SEC63: variants seen among roughly 807,000 people sequenced by gnomAD.
SEC63 encodes the protein SEC63 protein translocation regulator.
A neutral mutation model predicts 116.2 loss-of-function variants in SEC63; 56 were observed. The ratio of observed to expected loss-of-function variants is 0.48; its 90% CI spans 0.39 to 0.60. SEC63 has a LOEUF of 0.60. Among genes scored for constraint, SEC63 ranks in the 20% least tolerant of loss-of-function variants. The probability of loss-of-function intolerance (pLI) is 0.00; values close to 1 mark genes in which losing one functional copy is unlikely to be tolerated. For missense variants in SEC63, 668 were observed against 900.0 expected, an observed-to-expected ratio of 0.74 and a Z score of 3.30; for synonymous variants, 273 against 294.6, an observed-to-expected ratio of 0.93 and a Z score of 0.75.
At chr6:107,931,376 C>T (rs1480081060) in intron 1 of SEC63, among the ~76,000 whole-genome samples, 3 of 151,604 alleles carry the variant, frequency 2.0e-5, no homozygotes, top group African/African-American at 7.3e-5. Context: ...TTTTAATCCT[C>T]ATGAAAAACT....
chr6:107,919,025 C>T (rs1386140539), intron 4 of SEC63, among the ~76,000 whole-genome samples: 4 of 150,866 alleles, frequency 2.7e-5, no homozygotes, highest in African/African-American at 9.7e-5. Context: ...AGTCTCCTGC[C>T]TCAGCCTCTC....
chr6:107,881,603 G>T (rs2114404329), intron 17 of SEC63, among the ~76,000 whole-genome samples: 1 of 152,082 alleles, frequency 6.6e-6, no homozygotes, highest in South Asian at 2.1e-4. Flanking sequence ...TTTGGACTTT[G>T]ATTTCTCCCT....
At chr6:107,900,239 A>T (rs1485791316) in intron 13 of SEC63, among the ~76,000 whole-genome samples, 2 of 151,768 alleles carry the variant, frequency 1.3e-5, no homozygotes, top group Non-Finnish European at 2.9e-5. Context: ...GGTTCAAGTG[A>T]TCCCCCTGCC....
Position 107,929,398 on chromosome 6 carries a change from T to G in SEC63, c.224+17A>C. 1 of 1,377,378 alleles carries G rather than the reference T, an allele frequency of 7.3e-7. No homozygotes were observed. The highest frequency in any genetic ancestry group is 1.0e-6 in the Non-Finnish European group (1 of 966,024). 85.3% of individuals were successfully genotyped at this position (1,377,378 alleles called of 1,614,324 possible). A position where few individuals can be genotyped will look rare whatever the true frequency, so the allele number is the denominator to read the frequency against. ...GTAAGCATTAAGTAGGTTTTTTTCT[T>G]GAAATCCATTACTTACTTTACTGTA... On this transcript the variant is annotated intron_variant, in intron 2 of 20. Coordinates refer to ENST00000369002, the MANE Select transcript of SEC63 (RefSeq NM_007214.5).
intron 1 of SEC63, among the ~76,000 whole-genome samples, chr6:107,932,793 C>T (rs1397913679): frequency 6.6e-6 from 1 of 152,118 alleles, no homozygotes; most frequent in Non-Finnish European, 1.5e-5. Context: ...ATGAGCACAT[C>T]TAGCATGCAG....
intron 17 of SEC63, 129 bp downstream of exon 17, chr6:107,882,858 TA>T (rs1282843448): frequency 3.8e-5 from 23 of 604,302 alleles, no homozygotes; most frequent in Middle Eastern, 4.4e-4. Context: ...AATAAAATTA[TA>T]AAATATACAG....
chr6:107,921,811 T>C lies in SEC63; in HGVS notation c.438A>G (p.Ala146=). ...GGDEVMFMRI[A]KAYAALTDEE... ...CTGATACTTACGCAGCATAAGCTTT[T>C]GCTATCCTCATGAACATAACCTCAT... Residue 146 remains alanine, a synonymous_variant, in exon 4 of 21, where the codon GCA becomes GCG. Transcript: ENST00000369002. The C allele has an allele frequency of 6.3e-7, 1 of 1,598,636 alleles. No homozygotes were observed. The highest frequency in any genetic ancestry group is 8.6e-7 in the Non-Finnish European group (1 of 1,165,966).
intron 16 of SEC63, 30 bp from the exon 17 acceptor site, chr6:107,883,176 T>C: frequency 6.2e-7 from 1 of 1,609,122 alleles, no homozygotes; most frequent in South Asian, 1.1e-5. Flanking sequence ...ACAAAGATTC[T>C]GCATATCTCA....
chr6:107,900,653 T>G (rs1470540873), intron 13 of SEC63, among the ~76,000 whole-genome samples: 2 of 152,028 alleles, frequency 1.3e-5, no homozygotes, highest in Non-Finnish European at 2.9e-5. Flanking sequence ...GTCTCAAAAA[T>G]TATTTATAAA....
Position 107,912,794 on chromosome 6 carries a change from A to C in SEC63, c.515-20T>G. The C allele has an allele frequency of 6.3e-7, 1 of 1,581,822 alleles. No individual in the cohort carries two copies. The highest frequency in any genetic ancestry group is 8.7e-7 in the Non-Finnish European group (1 of 1,152,008). ...TTGTGGCTGAAATAGAAAAAATATC[A>C]GTTTCTGAAGAATCTCTACTTTCAG... On this transcript the variant is annotated intron_variant, in intron 5 of 20. Transcript: ENST00000369002.
At position 107,869,458 on chromosome 6, in the gene SEC63, A is replaced by T. The variant is rs1326872968; in HGVS notation, c.*2246T>A. On this transcript the variant is annotated 3_prime_UTR_variant, in exon 21 of 21. Coordinates refer to ENST00000369002, the MANE Select transcript of SEC63 (RefSeq NM_007214.5). The stretch of plus-strand genomic sequence containing the variant: ...ACACTGTATGATCTATAGGCTCATC[A>T]ATTGTTGACAAAATGTCAGTTTCTT... 1 of 152,150 alleles carries T rather than the reference A, an allele frequency of 6.6e-6. No homozygotes were observed. Among genetic ancestry groups the T allele is most frequent in the Non-Finnish European group, 1.5e-5 (1 of 68,020 alleles). 9.4% of individuals were successfully genotyped at this position (152,150 alleles called of 1,614,324 possible).
At chr6:107,925,384 G>C (rs1562331917) in intron 2 of SEC63, among the ~76,000 whole-genome samples, 2 of 151,930 alleles carry the variant, frequency 1.3e-5, no homozygotes, top group Non-Finnish European at 2.9e-5. Flanking sequence ...GTAAAACTTT[G>C]GAAACAACCT....
At chr6:107,882,612 GAC>G (rs1253134560) in intron 17 of SEC63, among the ~76,000 whole-genome samples, 1 of 152,086 alleles carries the variant, frequency 6.6e-6, no homozygotes, top group Admixed American at 6.6e-5. Context: ...TGGAGCTTGT[GAC>G]ACAGCCTTCC....
chr6:107,936,640 C>T (rs886963562), intron 1 of SEC63, among the ~76,000 whole-genome samples: 1 of 152,188 alleles, frequency 6.6e-6, no homozygotes, highest in Non-Finnish European at 1.5e-5. Flanking sequence ...AGCAGCCGAA[C>T]TTTATATAGT....
intron 10 of SEC63, among the ~76,000 whole-genome samples, chr6:107,905,183 C>A (rs1376459502): frequency 6.6e-6 from 1 of 152,142 alleles, no homozygotes; most frequent in African/African-American, 2.4e-5. Context: ...ACCACATTAA[C>A]CTATGGATTT....
In SEC63 at chr6:107,902,869, A is replaced by T. The variant is rs1787039611; in HGVS notation, c.1184T>A (p.Leu395His). 1 of 1,613,922 alleles carries T rather than the reference A, an allele frequency of 6.2e-7. No individual in the cohort carries two copies. Among genetic ancestry groups the T allele is most frequent in the African/African-American group, 1.3e-5 (1 of 74,908 alleles). Residue 395 changes from leucine (L) to histidine (H), a missense_variant, in exon 12 of 21, where the codon CTT becomes CAT. By Grantham distance (99) the Leu-to-His change is moderately conservative. Coordinates refer to ENST00000369002, the MANE Select transcript of SEC63 (RefSeq NM_007214.5). ...CTTCTTATGATTAGAAACCCGTCTA[A>T]GATTGTCCTCTTCAATATGAGGGAG... is the stretch of plus-strand genomic sequence containing the variant. ...LQLPHIEEDN[L>H]RRVSNHKKYK... is the part of the protein sequence containing the mutation.
rs1429741047 is a variant in SEC63, at chr6:107,876,650, A to G, written c.1948T>C (p.Trp650Arg). 2 of 1,403,766 alleles carry G rather than the reference A, an allele frequency of 1.4e-6. No homozygotes were observed. Among genetic ancestry groups the G allele is most frequent in the Non-Finnish European group, 1.9e-6 (2 of 1,031,468 alleles). 87.0% of individuals were successfully genotyped at this position (1,403,766 alleles called of 1,614,324 possible). A position where few individuals can be genotyped will look rare whatever the true frequency, so the allele number is the denominator to read the frequency against. The stretch of plus-strand genomic sequence containing the variant: ...CTATCTGCAATGTAAAGCCACCACC[A>G]TTCTTGTTTTTCCTGGAAACAAAAA... ...SLYFPEEKQE[W>R]WWLYIADRKE... Residue 650 changes from tryptophan (W) to arginine (R), a missense_variant, in exon 19 of 21, where the codon TGG (tryptophan) becomes CGG (arginine). Physicochemically the swap from Trp to Arg is moderately radical, Grantham distance 101 (BLOSUM62 -3). Coordinates refer to ENST00000369002, the MANE Select transcript of SEC63 (RefSeq NM_007214.5).
chr6:107,932,514 G>T (rs917952653), intron 1 of SEC63, among the ~76,000 whole-genome samples: 9 of 152,094 alleles, frequency 5.9e-5, no homozygotes, highest in Non-Finnish European at 1.5e-5. Flanking sequence ...GAGTATGGTA[G>T]CAGAAAAGGA....
intron 4 of SEC63, among the ~76,000 whole-genome samples, chr6:107,915,985 A>G (rs554159864): frequency 6.6e-6 from 1 of 152,318 alleles, no homozygotes; most frequent in East Asian, 1.9e-4. Flanking sequence ...CACATAACTG[A>G]GTTAAAACTA....
Sources: allele counts gnomAD v4.1 joint callset (sites outside exome capture counted in the v4.1 genomes callset), GRCh38; gene constraint gnomAD v4.1.1; transcripts MANE v1.5; gene names NCBI Gene and HGNC (gene_info 2026-07-23, HGNC 2026-07-21).